The following XKR9 variants were observed in gnomAD, a reference collection of about 807,000 sequenced individuals.
XKR9 encodes the protein XK related 9.
XKR9 carries 32 observed loss-of-function variants against 32.0 expected under a neutral mutation model. The observed-to-expected ratio is 1.00, with a 90% CI of 0.76 to 1.34. XKR9 has a LOEUF of 1.34. XKR9 is among the 40% of genes most tolerant of loss of function. XKR9 has a pLI of 0.00. For synonymous variants in XKR9, 168 were observed against 143.4 expected, an observed-to-expected ratio of 1.17 and a Z score of -1.22; for missense variants, 546 against 429.7, an observed-to-expected ratio of 1.27 and a Z score of -2.39.
At position 70,722,055 on chromosome 8, in the gene XKR9, C is replaced by A. The variant is rs1400362998; in HGVS notation, c.494-11741C>A. 2.0e-5 allele frequency among the ~76,000 whole-genome samples: 3 copies of A among 151,822 alleles called. No individual in the cohort carries two copies. The East Asian group carries it at 5.8e-4, about 29-fold the overall frequency. On this transcript the variant is annotated intron_variant, in intron 4 of 4. Coordinates refer to ENST00000408926, the MANE Select transcript of XKR9 (RefSeq NM_001011720.2). ...TGATCCCTTTACCAATATGTAATGC[C>A]CTTCTTTGTCTTTTTTGATATTTGT...
chr8:70,975,796 G>T, the XKR9 span, among the ~76,000 whole-genome samples: 1,462 of 152,246 alleles, frequency 9.6e-3, 23 homozygotes, highest in African/African-American at 0.034. Context: ...TTGGTAGCTT[G>T]ATGGGGATGG....
the XKR9 span, among the ~76,000 whole-genome samples, chr8:70,991,811 T>G: frequency 2.0e-5 from 3 of 152,232 alleles, no homozygotes; most frequent in African/African-American, 7.2e-5. Context: ...CTATGAGGTT[T>G]TGATATGAAC....
intron 2 of XKR9, among the ~76,000 whole-genome samples, chr8:70,781,441 A>C (rs1357727395): frequency 6.6e-6 from 1 of 151,612 alleles, no homozygotes; most frequent in African/African-American, 2.4e-5. Context: ...TATGGGATAC[A>C]GGGTGATATT....
chr8:71,037,376 C>T, the XKR9 span, among the ~76,000 whole-genome samples: 2 of 152,096 alleles, frequency 1.3e-5, no homozygotes, highest in African/African-American at 4.8e-5. Flanking sequence ...GGTCAAAGGA[C>T]TGCAGGAAAA....
At chr8:70,723,394 T>C (rs1158266977) in intron 4 of XKR9, among the ~76,000 whole-genome samples, 1 of 152,206 alleles carries the variant, frequency 6.6e-6, no homozygotes, top group Admixed American at 6.5e-5. Context: ...ATTTTGGCTT[T>C]TGGAATTTTC....
At chr8:70,810,532 T>C in the XKR9 span, among the ~76,000 whole-genome samples, 1 of 152,170 alleles carries the variant, frequency 6.6e-6, no homozygotes, top group African/African-American at 2.4e-5. Flanking sequence ...CAGTGTGCTG[T>C]ATTCAGAAAC....
the XKR9 span, among the ~76,000 whole-genome samples, chr8:71,038,857 T>G: frequency 1.2e-4 from 17 of 141,924 alleles, no homozygotes; most frequent in Non-Finnish European, 2.6e-4. Flanking sequence ...CAGGCTGGAG[T>G]GCAGTGGCAC....
At chr8:70,698,407 G>A (rs200137021) in intron 3 of XKR9, among the ~76,000 whole-genome samples, 5 of 151,994 alleles carry the variant, frequency 3.3e-5, no homozygotes, top group African/African-American at 1.2e-4. Flanking sequence ...TTGGTTTCAA[G>A]GAACATCTTT....
At chr8:70,815,508 AT>A in the XKR9 span, among the ~76,000 whole-genome samples, 4 of 66,862 alleles carry the variant, frequency 6.0e-5, no homozygotes, top group Admixed American at 6.9e-4. Flanking sequence ...TCATTCCTTT[AT>A]TTTATTTATT....
the XKR9 span, among the ~76,000 whole-genome samples, chr8:70,831,457 C>T: frequency 6.6e-6 from 1 of 151,554 alleles, no homozygotes; most frequent in Non-Finnish European, 1.5e-5. Flanking sequence ...GATTAAAATG[C>T]CCTCTAATCC....
At chr8:70,808,035 CA>C in the XKR9 span, among the ~76,000 whole-genome samples, 6 of 151,392 alleles carry the variant, frequency 4.0e-5, no homozygotes, top group Non-Finnish European at 7.4e-5. Flanking sequence ...TTAGGAAATG[CA>C]AAAAAAACCT....
the XKR9 span, among the ~76,000 whole-genome samples, chr8:70,846,971 C>T: frequency 6.6e-6 from 1 of 151,992 alleles, no homozygotes; most frequent in Non-Finnish European, 1.5e-5. Flanking sequence ...TGGATTTTAA[C>T]TGTACTTTAC....
At chr8:70,810,736 C>T in the XKR9 span, among the ~76,000 whole-genome samples, 1 of 152,190 alleles carries the variant, frequency 6.6e-6, no homozygotes, top group African/African-American at 2.4e-5. Context: ...ACAAGAAGAG[C>T]TCACTATCCT....
chr8:70,675,790 A>G (rs1818864276), intron 2 of XKR9, among the ~76,000 whole-genome samples: 1 of 152,196 alleles, frequency 6.6e-6, no homozygotes, highest in African/African-American at 2.4e-5. Flanking sequence ...CCTGGACTTC[A>G]TTGTCCATAT....
At chr8:70,891,177 T>G in the XKR9 span, among the ~76,000 whole-genome samples, 2 of 151,888 alleles carry the variant, frequency 1.3e-5, no homozygotes, top group South Asian at 2.1e-4. Flanking sequence ...TCAGGCCTTT[T>G]GTCTTTTTTT....
At chr8:70,857,869 T>G in the XKR9 span, among the ~76,000 whole-genome samples, 1 of 152,154 alleles carries the variant, frequency 6.6e-6, no homozygotes, top group Non-Finnish European at 1.5e-5. Flanking sequence ...AAAAACCACG[T>G]GATTATCTCA....
chr8:70,734,479 A>C lies in XKR9; in HGVS notation c.*55A>C. 6.9e-7 allele frequency: 1 copy of C among 1,440,102 alleles called. No homozygotes were observed. The highest frequency in any genetic ancestry group is 9.0e-7 in the Non-Finnish European group (1 of 1,106,298). 89.2% of individuals were successfully genotyped at this position (1,440,102 alleles called of 1,614,324 possible). A position where few individuals can be genotyped will look rare whatever the true frequency, so the allele number is the denominator to read the frequency against. The stretch of plus-strand genomic sequence containing the variant: ...TATTTTGTTTCATTGGTTAGTAAAG[A>C]AAATGTGTGTTATGTGGGTGTGTTG... On this transcript the variant is annotated 3_prime_UTR_variant, in exon 5 of 5. Transcript: ENST00000408926.
At chr8:70,823,230 A>G in the XKR9 span, among the ~76,000 whole-genome samples, 1 of 152,232 alleles carries the variant, frequency 6.6e-6, no homozygotes, top group Non-Finnish European at 1.5e-5. Context: ...GATATCTGAC[A>G]TTGATCTAGT....
chr8:70,983,705 C>T, the XKR9 span, among the ~76,000 whole-genome samples: 3 of 151,872 alleles, frequency 2.0e-5, no homozygotes, highest in Non-Finnish European at 2.9e-5. Context: ...CGCTTGAACC[C>T]GGGAAGTGGA....
Sources: gnomAD v4.1 joint callset for allele counts (sites outside exome capture counted in the v4.1 genomes callset) on GRCh38, gnomAD v4.1.1 for gene constraint, MANE v1.5 for transcripts, NCBI Gene and HGNC (gene_info 2026-07-23, HGNC 2026-07-21) for gene names.